AFDN: variants seen among roughly 807,000 people sequenced by gnomAD.
AFDN encodes the protein afadin, adherens junction formation factor.
AFDN carries 68 observed loss-of-function variants against 216.6 expected under a neutral mutation model. The observed-to-expected ratio is 0.31, with a 90% confidence interval of 0.26 to 0.38. The LOEUF is 0.38. AFDN is among the 10% of genes least tolerant of loss of function. The pLI is 1.00. For missense variants in AFDN, 2,136 were observed against 2,342.0 expected (o/e 0.91, Z 1.82); for synonymous variants, 868 against 853.7 (o/e 1.02, Z -0.29).
At chr6:167,945,700 A>G (rs763551639) in intron 26 of AFDN, among the ~76,000 whole-genome samples, 2 of 152,190 alleles carry the variant, frequency 1.3e-5, no homozygotes, top group Non-Finnish European at 2.9e-5. Context: ...ATTGACCAAA[A>G]TGGGCTTATT....
intron 16 of AFDN, 84 bp downstream of exon 16, chr6:167,913,507 A>G (rs1284569146): frequency 1.2e-5 from 16 of 1,288,598 alleles, no homozygotes; most frequent in Non-Finnish European, 1.6e-5. Flanking sequence ...AAGTAATACA[A>G]CAGCTGGACT....
chr6:167,925,255 G>A (rs1005390282), intron 23 of AFDN, among the ~76,000 whole-genome samples, 164 bp downstream of exon 23: 1 of 152,208 alleles, frequency 6.6e-6, no homozygotes, highest in African/African-American at 2.4e-5. Flanking sequence ...AATGAAGCCA[G>A]TGTGCTCACT....
intron 30 of AFDN, among the ~76,000 whole-genome samples, chr6:167,955,816 A>T (rs1796444900): frequency 6.6e-6 from 1 of 152,084 alleles, no homozygotes; most frequent in Admixed American, 6.5e-5. Context: ...ACAGCACCTC[A>T]TTATTTATAA....
At chr6:167,963,349 C>A (rs1797226537) in intron 31 of AFDN, 1 of 1,059,952 alleles carries the variant, frequency 9.4e-7, no homozygotes, top group East Asian at 5.2e-5. Flanking sequence ...TTGAGAGAAG[C>A]TGCTCTTCTC....
intron 8 of AFDN, among the ~76,000 whole-genome samples, chr6:167,893,437 G>GT (rs1472625073): frequency 6.6e-6 from 1 of 152,182 alleles, no homozygotes; most frequent in Non-Finnish European, 1.5e-5. Context: ...GTGGTTAGGA[G>GT]TTTTTTTGAG....
Position 167,966,140 on chromosome 6 carries a change from C to A in AFDN, c.5257+95C>A, listed in dbSNP as rs1375484757. 2.0e-6 allele frequency: 3 copies of A among 1,535,314 alleles called. No individual in the cohort carries two copies. In the South Asian group the frequency reaches 3.6e-5, roughly 18 times the overall value. ...CACCCCCCTGCCAGCCACGCCCGGC[C>A]TCCGATGGCGTCTTTCTCTCCAACT... On this transcript the variant is annotated intron_variant, in intron 32 of 33. Coordinates refer to ENST00000683244, the MANE Select transcript of AFDN (RefSeq NM_001386888.1).
intron 32 of AFDN, chr6:167,968,871 C>G: frequency 2.2e-6 from 1 of 459,138 alleles, no homozygotes; most frequent in South Asian, 2.4e-5. Context: ...GTATTCCTCC[C>G]TCATAGTGAA....
chr6:167,954,380 G>A, intron 30 of AFDN: 1 of 1,168,642 alleles, frequency 8.6e-7, no homozygotes, highest in South Asian at 1.5e-5. Context: ...TATGCCGATG[G>A]CAGATTACAG....
intron 1 of AFDN, among the ~76,000 whole-genome samples, chr6:167,844,670 T>G (rs1028838207): frequency 6.6e-6 from 1 of 152,136 alleles, no homozygotes; most frequent in South Asian, 2.1e-4. Flanking sequence ...TACCAAGTTA[T>G]TATTCAAAAG....
chr6:167,926,577 G>C (rs1158250020), intron 23 of AFDN, among the ~76,000 whole-genome samples: 2 of 152,190 alleles, frequency 1.3e-5, no homozygotes, highest in African/African-American at 4.8e-5. Flanking sequence ...GACTACAGGA[G>C]CATACCACCA....
At chr6:167,838,639 T>G (rs1228343256) in intron 1 of AFDN, among the ~76,000 whole-genome samples, 2 of 152,220 alleles carry the variant, frequency 1.3e-5, no homozygotes, top group East Asian at 3.8e-4. Context: ...ATACTTGCAT[T>G]TCCAAATGAA....
chr6:167,916,148 C>T (rs751122408), intron 19 of AFDN, among the ~76,000 whole-genome samples: 1 of 152,160 alleles, frequency 6.6e-6, no homozygotes, highest in Non-Finnish European at 1.5e-5. Context: ...GGTTTGCACG[C>T]AGTTGGCATT....
intron 21 of AFDN, among the ~76,000 whole-genome samples, chr6:167,921,808 TAAAAA>T (rs3837051): frequency 4.7e-5 from 7 of 148,224 alleles, no homozygotes; most frequent in African/African-American, 9.8e-5. Context: ...ATTTAAAAAA[TAAAAA>T]AAAAAACTAA....
intron 30 of AFDN, among the ~76,000 whole-genome samples, chr6:167,961,342 G>T (rs573996975): frequency 2.2e-4 from 34 of 152,224 alleles, no homozygotes; most frequent in Non-Finnish European, 4.1e-4. Context: ...GAAGTAAATG[G>T]AGAACACAGT....
chr6:167,871,160 T>C (rs1032864782), intron 3 of AFDN, among the ~76,000 whole-genome samples: 7 of 148,914 alleles, frequency 4.7e-5, no homozygotes, highest in Non-Finnish European at 1.0e-4. Flanking sequence ...TTAATCACTT[T>C]TAGCAGCAGA....
chr6:167,957,253 T>C (rs1030029784), intron 30 of AFDN, among the ~76,000 whole-genome samples: 22 of 152,148 alleles, frequency 1.4e-4, no homozygotes, highest in African/African-American at 5.3e-4. Context: ...CCTCACTGTG[T>C]CCTGTGTGTT....
intron 1 of AFDN, among the ~76,000 whole-genome samples, chr6:167,862,541 A>C (rs1783711866): frequency 6.6e-6 from 1 of 152,018 alleles, no homozygotes; most frequent in Non-Finnish European, 1.5e-5. Context: ...ACGCCCAGCT[A>C]ATTTTTGTAT....
chr6:167,875,323 T>C lies in AFDN; in HGVS notation c.579-12T>C. The C allele has an allele frequency of 6.3e-7, 1 of 1,596,372 alleles. No individual in the cohort carries two copies. On this transcript the variant is annotated splice_polypyrimidine_tract_variant and intron_variant, in intron 4 of 33. Coordinates refer to ENST00000683244, the MANE Select transcript of AFDN (RefSeq NM_001386888.1). ...GTGTTTAAAATATTTTTGGTATTTT[T>C]TTTTCTTACAGTGAAAATTCTCGAC...
chr6:167,915,216 G>C lies in AFDN; in HGVS notation c.2348G>C (p.Cys783Ser). Residue 783 changes from cysteine (C) to serine (S), a missense_variant, in exon 19 of 34, where the codon TGC becomes TCC. Cys to Ser is a moderately radical substitution (Grantham distance 112). Around this residue, in one of 8 missense-constraint regions of AFDN, gnomAD observed 817 missense variants for 965.7 expected, o/e 0.85. Coordinates refer to ENST00000683244, the MANE Select transcript of AFDN (RefSeq NM_001386888.1). ...LTGAMSLLRR[C>S]RVNAALTIQL... ...GGAGCCATGTCCTTGCTACGACGCT[G>C]CAGAGTCAATGCCGCCCTGACCATC... 1 of 1,614,232 alleles carries C rather than the reference G, an allele frequency of 6.2e-7. No individual in the cohort carries two copies. Among genetic ancestry groups the C allele is most frequent in the Non-Finnish European group, 8.5e-7 (1 of 1,180,038 alleles).
Sources: allele counts gnomAD v4.1 joint callset (sites outside exome capture counted in the v4.1 genomes callset), GRCh38; gene constraint gnomAD v4.1.1; regional missense constraint gnomAD v4.1.1; transcripts MANE v1.5; gene names NCBI Gene and HGNC (gene_info 2026-07-23, HGNC 2026-07-21).